The following SLA2 variants were observed in gnomAD, a reference collection of about 807,000 sequenced individuals.
SLA2 encodes the protein src-like-adapter 2.
In SLA2, 22 loss-of-function variants were observed where a neutral mutation model predicts 27.3. That is an observed-to-expected ratio of 0.81 (90% CI 0.58 to 1.15). The LOEUF (loss-of-function observed/expected upper bound fraction) is 1.15. Among genes scored for constraint, SLA2 ranks in the 50% most tolerant of loss-of-function variants. The pLI, the probability that SLA2 is intolerant of heterozygous loss-of-function variation, is 0.00. For missense variants in SLA2, 304 were observed against 322.2 expected, an observed-to-expected ratio of 0.94 and a Z score of 0.43; for synonymous variants, 131 against 137.8, an observed-to-expected ratio of 0.95 and a Z score of 0.34.
chr20:36,617,203 CAAA>C (rs1243483698), intron 5 of SLA2, among the ~76,000 whole-genome samples: 2 of 137,232 alleles, frequency 1.5e-5, no homozygotes, highest in African/African-American at 5.3e-5. Context: ...ACTAAAAATA[CAAA>C]AAAAAAAAAA....
intron 2 of SLA2, among the ~76,000 whole-genome samples, chr20:36,635,163 C>T (rs1316263724): frequency 6.6e-6 from 1 of 151,894 alleles, no homozygotes. Flanking sequence ...AGAGGGCAGC[C>T]TGCTCAGGCC....
intron 1 of SLA2, among the ~76,000 whole-genome samples, chr20:36,644,576 T>G (rs1302746796): frequency 6.6e-6 from 1 of 152,222 alleles, no homozygotes; most frequent in Non-Finnish European, 1.5e-5. Flanking sequence ...GGAGCTGTAC[T>G]CAGGCTGAAA....
chr20:36,642,583 G>C (rs992876455), intron 1 of SLA2, among the ~76,000 whole-genome samples: 4 of 151,548 alleles, frequency 2.6e-5, no homozygotes, highest in Non-Finnish European at 5.9e-5. Context: ...TGCAAATTTT[G>C]TTTTGTTTTG....
chr20:36,614,722 T>C, intron 6 of SLA2: 1 of 985,452 alleles, frequency 1.0e-6, no homozygotes, highest in Non-Finnish European at 1.2e-6. Flanking sequence ...AGCTAAGGAA[T>C]GCTCAGTCTA....
chr20:36,634,923 C>T (rs770429454), intron 2 of SLA2, among the ~76,000 whole-genome samples: 15 of 152,170 alleles, frequency 9.9e-5, no homozygotes, highest in Non-Finnish European at 2.2e-4. Context: ...CTTGACCTCC[C>T]GGGCTCAAAT....
At chr20:36,619,214 C>CT (rs1350865578) in intron 5 of SLA2, among the ~76,000 whole-genome samples, 19 of 96,488 alleles carry the variant, frequency 2.0e-4, no homozygotes, top group South Asian at 3.7e-4. Flanking sequence ...GAGTGAGACT[C>CT]TGGGGGAAAA....
Position 36,615,390 on chromosome 20 carries a change from T to C in SLA2, c.383-16A>G. ...GAGTAAGAGCCTGAGGAGAAAGGGGTCCAGGGGTGGCACTGAGGCCCTGCT... is the reference window on the plus strand; with the variant it reads ...GAGTAAGAGCCTGAGGAGAAAGGGGCCCAGGGGTGGCACTGAGGCCCTGCT... On this transcript the variant is annotated splice_polypyrimidine_tract_variant and intron_variant, in intron 5 of 7. Coordinates refer to ENST00000262866, the MANE Select transcript of SLA2 (RefSeq NM_032214.4). 1 of 1,612,618 alleles carries C rather than the reference T, an allele frequency of 6.2e-7. No individual in the cohort carries two copies. The highest frequency in any genetic ancestry group is 8.5e-7 in the Non-Finnish European group (1 of 1,179,914).
chr20:36,627,817 T>C (rs1417005127), intron 5 of SLA2, among the ~76,000 whole-genome samples: 1 of 152,158 alleles, frequency 6.6e-6, no homozygotes, highest in Non-Finnish European at 1.5e-5. Flanking sequence ...GATGGGGTCT[T>C]CCTGCTCCGG....
intron 5 of SLA2, among the ~76,000 whole-genome samples, chr20:36,631,072 G>T (rs539311411): frequency 6.6e-6 from 1 of 152,322 alleles, no homozygotes; most frequent in African/African-American, 2.4e-5. Context: ...TCAACGCAGA[G>T]AAATTCTGTG....
At chr20:36,618,600 A>G (rs948138981) in intron 5 of SLA2, among the ~76,000 whole-genome samples, 10 of 151,992 alleles carry the variant, frequency 6.6e-5, no homozygotes, top group African/African-American at 2.4e-4. Flanking sequence ...ATTAAATTAG[A>G]AATTAATAAG....
At chr20:36,638,734 A>G (rs999565208) in intron 2 of SLA2, among the ~76,000 whole-genome samples, 2 of 152,234 alleles carry the variant, frequency 1.3e-5, no homozygotes, top group Non-Finnish European at 2.9e-5. Context: ...TACACCATGA[A>G]GTAGTGTGAT....
chr20:36,631,804 C>G (rs1275828139), intron 5 of SLA2, among the ~76,000 whole-genome samples: 1 of 152,352 alleles, frequency 6.6e-6, no homozygotes, highest in African/African-American at 2.4e-5. Flanking sequence ...TTCCCTGAAG[C>G]CTCCCCACAT....
chr20:36,615,485 A>C lies in SLA2; in HGVS notation c.383-111T>G, dbSNP rs925775417. Reference sequence around the variant, plus strand: ...GACCATGGGGCCCCGGCAGAAGGGAAGTGTCTGGGGCAGAAGCAGGACAAA... The same window carrying C: ...GACCATGGGGCCCCGGCAGAAGGGACGTGTCTGGGGCAGAAGCAGGACAAA... On this transcript the variant is annotated intron_variant, in intron 5 of 7. Coordinates refer to ENST00000262866, the MANE Select transcript of SLA2 (RefSeq NM_032214.4). The C allele has an allele frequency of 4.9e-6, 6 of 1,219,090 alleles. No individual in the cohort carries two copies. The African/African-American group carries it at 9.0e-5, about 18-fold the overall frequency. The allele number at this position is 1,219,090 out of a possible 1,614,324, so 75.5% of individuals were successfully genotyped here. A position where few individuals can be genotyped will look rare whatever the true frequency, so the allele number is the denominator to read the frequency against.
intron 2 of SLA2, among the ~76,000 whole-genome samples, chr20:36,637,281 C>A (rs1257862701): frequency 6.9e-6 from 1 of 145,900 alleles, no homozygotes; most frequent in Non-Finnish European, 1.5e-5. Context: ...TGGCTCACTG[C>A]AACCTCTGCC....
Position 36,613,875 on chromosome 20 carries a change from AT to A in SLA2, c.776del (p.Asp259ValfsTer104). The A allele has an allele frequency of 6.2e-7, 1 of 1,613,312 alleles. No individual in the cohort carries two copies. The highest frequency in any genetic ancestry group is 8.5e-7 in the Non-Finnish European group (1 of 1,179,740). ...ISLNDEAVSL[D>X]DA ...GGCCTCTCCTTTGGGCCTAGGCATC[AT>A]CCAAAGAGACAGCCTCGTCATTCAG... On this transcript the variant is annotated frameshift_variant, in exon 8 of 8. Coordinates refer to ENST00000262866, the MANE Select transcript of SLA2 (RefSeq NM_032214.4). LOFTEE classifies it high-confidence loss of function.
intron 5 of SLA2, 121 bp from the exon 6 acceptor site, chr20:36,615,495 G>T: frequency 9.4e-7 from 1 of 1,059,834 alleles, no homozygotes. Flanking sequence ...AGTGTCTGGG[G>T]CAGAAGCAGG....
chr20:36,630,453 GA>G (rs1470521293), intron 5 of SLA2, among the ~76,000 whole-genome samples: 3 of 152,186 alleles, frequency 2.0e-5, no homozygotes, highest in Non-Finnish European at 4.4e-5. Context: ...GTCCATTCCT[GA>G]TACCTCCTTC....
chr20:36,622,758 C>G (rs1710760955), intron 5 of SLA2, among the ~76,000 whole-genome samples: 1 of 152,192 alleles, frequency 6.6e-6, no homozygotes, highest in Non-Finnish European at 1.5e-5. Flanking sequence ...CACCCTCCTA[C>G]CTCCCTCTCG....
intron 1 of SLA2, among the ~76,000 whole-genome samples, chr20:36,645,503 G>A (rs547148741): frequency 6.6e-5 from 10 of 152,232 alleles, no homozygotes; most frequent in Non-Finnish European, 1.2e-4. Context: ...TAGCCCTCAC[G>A]TTCCTGACTT....
Sources: gnomAD v4.1 joint callset for allele counts (sites outside exome capture counted in the v4.1 genomes callset) on GRCh38, gnomAD v4.1.1 for gene constraint, MANE v1.5 for transcripts, NCBI Gene and HGNC (gene_info 2026-07-23, HGNC 2026-07-21) for gene names.